VOPP1: variants seen among roughly 807,000 people sequenced by gnomAD.
VOPP1 encodes the protein VOPP1 WW domain binding protein.
In VOPP1, 8 loss-of-function variants were observed where a neutral mutation model predicts 23.5. The observed-to-expected ratio is 0.34, with a 90% CI of 0.20 to 0.61. The LOEUF (loss-of-function observed/expected upper bound fraction) is 0.61, where lower values mean the gene tolerates loss of function less well. Ranked by LOEUF, VOPP1 falls within the 20% of genes least tolerant of loss-of-function variation. VOPP1 has a pLI of 0.78. For missense variants in VOPP1, 174 were observed against 238.1 expected (o/e 0.73, Z 1.77); for synonymous variants, 83 against 97.3 (o/e 0.85, Z 0.86).
At chr7:55,521,600 T>A (rs1030363802) in intron 1 of VOPP1, 2 of 987,638 alleles carry the variant, frequency 2.0e-6, no homozygotes, top group Non-Finnish European at 2.4e-6. Flanking sequence ...ATGCTGCGAG[T>A]CACGGTTCAC....
intron 1 of VOPP1, among the ~76,000 whole-genome samples, chr7:55,563,972 G>A (rs982044047): frequency 1.3e-5 from 2 of 152,154 alleles, no homozygotes; most frequent in African/African-American, 4.8e-5. Context: ...GGAAAGAAAG[G>A]AGAATTCCTG....
intron 2 of VOPP1, among the ~76,000 whole-genome samples, chr7:55,507,485 G>A (rs1794807171): frequency 6.6e-6 from 1 of 151,960 alleles, no homozygotes; most frequent in Non-Finnish European, 1.5e-5. Flanking sequence ...TGATGAGTTT[G>A]GTCATATGCA....
At chr7:55,456,191 G>A (rs1374933735) in intron 4 of VOPP1, among the ~76,000 whole-genome samples, 5 of 152,036 alleles carry the variant, frequency 3.3e-5, no homozygotes, top group African/African-American at 1.2e-4. Context: ...CAACAAACAT[G>A]AAAAAAAGCT....
chr7:55,521,964 T>C (rs1795892533), intron 1 of VOPP1: 3 of 929,540 alleles, frequency 3.2e-6, no homozygotes, highest in Non-Finnish European at 3.9e-6. Context: ...CCTACTTCCA[T>C]GATCTAGTTT....
chr7:55,546,929 G>A (rs1277577247), intron 1 of VOPP1, among the ~76,000 whole-genome samples: 2 of 152,250 alleles, frequency 1.3e-5, no homozygotes, highest in African/African-American at 4.8e-5. Context: ...CTTGTCCCCA[G>A]TGCCCCTGAA....
Position 55,555,506 on chromosome 7 carries a change from CAG to C in VOPP1, c.54+16763_54+16764del, listed in dbSNP as rs1320790046. Among the ~76,000 whole-genome samples the C allele has an allele frequency of 7.2e-5, 11 of 152,368 alleles. No homozygotes were observed. In the East Asian group the frequency reaches 2.1e-3, roughly 29 times the overall value. On this transcript the variant is annotated intron_variant, in intron 1 of 4. Coordinates refer to ENST00000285279, the MANE Select transcript of VOPP1 (RefSeq NM_030796.5). ...GCTTCCAGGGCTACCATGAGGGACA[CAG>C]TGGGGGTAACCACTAGGACACTGCC...
chr7:55,468,702 G>A (rs959733672), downstream of VOPP1, among the ~76,000 whole-genome samples: 2 of 152,374 alleles, frequency 1.3e-5, no homozygotes, highest in Non-Finnish European at 1.5e-5. Context: ...AGGTAAGCAT[G>A]CATGGGACCC....
At chr7:55,530,796 T>C (rs1423786219) in intron 1 of VOPP1, 4 of 152,150 alleles carry the variant, frequency 2.6e-5, no homozygotes, top group Admixed American at 6.5e-5. Flanking sequence ...CTTTTATGAG[T>C]TATTAGGAAT....
At chr7:55,455,004 G>A (rs1791332044) in intron 4 of VOPP1, among the ~76,000 whole-genome samples, 1 of 152,194 alleles carries the variant, frequency 6.6e-6, no homozygotes, top group Admixed American at 6.5e-5. Context: ...ATTAGGAAAA[G>A]AGGAAGTCAA....
At chr7:55,509,018 A>G (rs142992824) in intron 2 of VOPP1, among the ~76,000 whole-genome samples, 1,670 of 152,318 alleles carry the variant, frequency 0.011, 11 homozygotes, top group Middle Eastern at 0.02. Flanking sequence ...GTTCCAGCCT[A>G]GGTGACAGAG....
intron 2 of VOPP1, among the ~76,000 whole-genome samples, chr7:55,519,073 C>T (rs1795667726): frequency 6.6e-6 from 1 of 152,180 alleles, no homozygotes; most frequent in Non-Finnish European, 1.5e-5. Flanking sequence ...ACGTACAGGG[C>T]ACAGGACAAT....
At chr7:55,435,753 T>G (rs1790807193), downstream of VOPP1, among the ~76,000 whole-genome samples, 1 of 152,262 alleles carries the variant, frequency 6.6e-6, no homozygotes, top group Non-Finnish European at 1.5e-5. Context: ...TTCACAAATC[T>G]GACTGTTCCC....
intron 2 of VOPP1, among the ~76,000 whole-genome samples, chr7:55,513,713 C>T (rs1795228384): frequency 1.3e-5 from 2 of 152,258 alleles, no homozygotes; most frequent in South Asian, 4.1e-4. Context: ...TAGGGTTTCC[C>T]GGCATTCTGA....
chr7:55,492,830 C>T (rs574469714), intron 3 of VOPP1: 1 of 155,940 alleles, frequency 6.4e-6, no homozygotes, highest in Non-Finnish European at 1.4e-5. Flanking sequence ...CTTGGCCTCG[C>T]TGTCTGTCTC....
intron 1 of VOPP1, among the ~76,000 whole-genome samples, chr7:55,566,998 C>G (rs141955286): frequency 6.6e-6 from 1 of 152,196 alleles, no homozygotes; most frequent in Non-Finnish European, 1.5e-5. Flanking sequence ...CATTTCCCCT[C>G]AATATTACAG....
At chr7:55,562,942 C>A (rs749743515) in intron 1 of VOPP1, among the ~76,000 whole-genome samples, 9 of 152,214 alleles carry the variant, frequency 5.9e-5, no homozygotes, top group Non-Finnish European at 1.2e-4. Flanking sequence ...CTGGGCACAT[C>A]ACTCGGAAGT....
intron 4 of VOPP1, among the ~76,000 whole-genome samples, chr7:55,478,184 C>G (rs188319514): frequency 6.6e-6 from 1 of 152,314 alleles, no homozygotes; most frequent in Admixed American, 6.5e-5. Context: ...CCACAGACTT[C>G]AGAGAGATCA....
chr7:55,500,118 G>A (rs1335773497), intron 2 of VOPP1, among the ~76,000 whole-genome samples: 1 of 152,172 alleles, frequency 6.6e-6, no homozygotes, highest in East Asian at 1.9e-4. Flanking sequence ...GGTGAGTTTA[G>A]GAGTGTGGAA....
At chr7:55,536,101 G>A (rs1450113319) in intron 1 of VOPP1, among the ~76,000 whole-genome samples, 3 of 152,188 alleles carry the variant, frequency 2.0e-5, no homozygotes, top group Non-Finnish European at 4.4e-5. Context: ...CAGGCCAAGC[G>A]TTCAGGAAAC....
Sources: gnomAD v4.1 joint callset for allele counts (sites outside exome capture counted in the v4.1 genomes callset) on GRCh38, gnomAD v4.1.1 for gene constraint, MANE v1.5 for transcripts, NCBI Gene and HGNC (gene_info 2026-07-23, HGNC 2026-07-21) for gene names.